Variants in CAMK2D observed in about 807,000 individuals in gnomAD.
CAMK2D encodes calcium/calmodulin dependent protein kinase II delta.
Under a neutral mutation model 84.0 loss-of-function variants are expected in CAMK2D, and 37 were observed. The observed-to-expected ratio is 0.44, with a 90% CI of 0.34 to 0.58. The LOEUF is 0.58. CAMK2D is among the 20% of genes least tolerant of loss of function. The pLI is 0.02. For missense variants in CAMK2D, 448 were observed against 652.5 expected (o/e 0.69, Z 3.41); for synonymous variants, 202 against 212.5 (o/e 0.95, Z 0.43).
chr4:113,663,653 A>G (rs74545147), intron 2 of CAMK2D, among the ~76,000 whole-genome samples: 218 of 150,250 alleles, frequency 1.5e-3, no homozygotes, highest in Non-Finnish European at 2.5e-3. Flanking sequence ...TTAAACAGAG[A>G]TTTGAATTTT....
At chr4:113,596,339 C>A (rs2098926437) in intron 4 of CAMK2D, among the ~76,000 whole-genome samples, 1 of 152,130 alleles carries the variant, frequency 6.6e-6, no homozygotes, top group South Asian at 2.1e-4. Flanking sequence ...CAACTTCTTC[C>A]AAACTCCTGT....
At position 113,567,009 on chromosome 4, in the gene CAMK2D, C is replaced by T. The variant is rs75713216; in HGVS notation, c.276-14913G>A. Reference sequence around the variant, plus strand: ...TGGCAGAGTATATGCATATAGCAGGCATGCAATAAACGTCTACTGACTGAA... The same window carrying T: ...TGGCAGAGTATATGCATATAGCAGGTATGCAATAAACGTCTACTGACTGAA... On this transcript the variant is annotated intron_variant, in intron 4 of 20. Coordinates refer to ENST00000511664, the MANE Select transcript of CAMK2D (RefSeq NM_001321571.2). Among the ~76,000 whole-genome samples the T allele has an allele frequency of 5.1e-3, 772 of 152,076 alleles. 10 individuals are homozygous for T. The highest frequency in any genetic ancestry group is 0.018 in the African/African-American group (743 of 41,458).
intron 2 of CAMK2D, among the ~76,000 whole-genome samples, chr4:113,687,260 C>A (rs533802336): frequency 6.6e-6 from 1 of 152,114 alleles, no homozygotes; most frequent in Non-Finnish European, 1.5e-5. Context: ...ATGTGGTAAC[C>A]TTTTTATATG....
intron 2 of CAMK2D, among the ~76,000 whole-genome samples, chr4:113,684,689 AAGCTTC>A (rs1561819972): frequency 6.6e-6 from 1 of 152,164 alleles, no homozygotes; most frequent in Non-Finnish European, 1.5e-5. Context: ...GTTACTGGAA[AAGCTTC>A]AGAAATATTT....
chr4:113,504,722 T>C (rs1194390932), intron 14 of CAMK2D, among the ~76,000 whole-genome samples: 1 of 150,714 alleles, frequency 6.6e-6, no homozygotes, highest in Non-Finnish European at 1.5e-5. Context: ...CAGCTATCAG[T>C]ACAATGTTCA....
intron 4 of CAMK2D, among the ~76,000 whole-genome samples, chr4:113,602,138 T>C (rs2154260863): frequency 6.6e-6 from 1 of 152,310 alleles, no homozygotes; most frequent in East Asian, 1.9e-4. Context: ...GACTTCTAAC[T>C]GGGCTAAGCT....
intron 6 of CAMK2D, among the ~76,000 whole-genome samples, chr4:113,542,750 C>T (rs2098539332): frequency 6.6e-6 from 1 of 151,968 alleles, no homozygotes; most frequent in Non-Finnish European, 1.5e-5. Flanking sequence ...TACTTCTCAT[C>T]TCCCCCCTTC....
intron 4 of CAMK2D, among the ~76,000 whole-genome samples, chr4:113,556,574 A>G (rs2098666113): frequency 6.6e-6 from 1 of 152,094 alleles, no homozygotes; most frequent in Admixed American, 6.6e-5. Flanking sequence ...ACGAGTGTGC[A>G]GATGTCCTGT....
chr4:113,452,889 A>C lies in CAMK2D; in HGVS notation c.*1656T>G, dbSNP rs1269770527. On this transcript the variant is annotated 3_prime_UTR_variant, in exon 21 of 21. Transcript: ENST00000511664. ...AAAAGCTTCAACCCATCTACCATAC[A>C]TCCACTAGCAATAATATCTAAGATG... 1 of 152,562 alleles carries C rather than the reference A, an allele frequency of 6.6e-6. No homozygotes were observed. Among genetic ancestry groups the C allele is most frequent in the Admixed American group, 6.6e-5 (1 of 15,260 alleles). The allele number at this position is 152,562 out of a possible 1,614,324, so 9.5% of individuals were successfully genotyped here. A position where few individuals can be genotyped will look rare whatever the true frequency, so the allele number is the denominator to read the frequency against.
intron 4 of CAMK2D, among the ~76,000 whole-genome samples, chr4:113,578,020 T>C (rs954189056): frequency 2.6e-5 from 4 of 152,190 alleles, no homozygotes; most frequent in Non-Finnish European, 5.9e-5. Context: ...AGGAAGATGG[T>C]TGCAGAATCT....
intron 15 of CAMK2D, among the ~76,000 whole-genome samples, chr4:113,501,557 T>C (rs1207032679): frequency 2.0e-5 from 3 of 152,050 alleles, no homozygotes; most frequent in Non-Finnish European, 2.9e-5. Context: ...TATATAAATA[T>C]CATATACAAT....
chr4:113,471,734 T>C (rs577443920), intron 16 of CAMK2D, among the ~76,000 whole-genome samples: 19 of 152,134 alleles, frequency 1.2e-4, no homozygotes, highest in Non-Finnish European at 2.2e-4. Flanking sequence ...CACACCGGCC[T>C]CTCTCACTCC....
intron 13 of CAMK2D, chr4:113,508,209 G>A (rs770346292): frequency 1.3e-6 from 2 of 1,508,374 alleles, no homozygotes; most frequent in Non-Finnish European, 1.8e-6. Context: ...TTTCACAGGA[G>A]GAGAAATCTG....
chr4:113,480,000 C>T (rs1015200480), intron 16 of CAMK2D, among the ~76,000 whole-genome samples: 2 of 152,116 alleles, frequency 1.3e-5, no homozygotes, highest in African/African-American at 2.4e-5. Flanking sequence ...CTAACTCTGT[C>T]GCCCAGGTTG....
intron 2 of CAMK2D, chr4:113,754,751 A>C (rs1019945395): frequency 3.1e-6 from 3 of 981,244 alleles, no homozygotes; most frequent in African/African-American, 1.8e-5. Flanking sequence ...CAATGAAAGA[A>C]GAAAATGAAT....
At chr4:113,492,600 G>A (rs2097859500) in intron 16 of CAMK2D, among the ~76,000 whole-genome samples, 1 of 151,616 alleles carries the variant, frequency 6.6e-6, no homozygotes, top group Non-Finnish European at 1.5e-5. Flanking sequence ...GTGTGGTGCT[G>A]AAAAAAATGT....
chr4:113,560,998 C>G (rs1349334614), intron 4 of CAMK2D, among the ~76,000 whole-genome samples: 1 of 152,030 alleles, frequency 6.6e-6, no homozygotes, highest in Non-Finnish European at 1.5e-5. Context: ...GAGGACCCTA[C>G]ATAAATGAGG....
chr4:113,550,822 A>C (rs1454917192), intron 5 of CAMK2D, among the ~76,000 whole-genome samples: 1 of 152,204 alleles, frequency 6.6e-6, no homozygotes, highest in South Asian at 2.1e-4. Flanking sequence ...AATTACACAG[A>C]ATTTTCTATT....
intron 15 of CAMK2D, among the ~76,000 whole-genome samples, chr4:113,501,318 A>C (rs2098041486): frequency 7.2e-6 from 1 of 139,070 alleles, no homozygotes; most frequent in Admixed American, 8.6e-5. Context: ...TGGTGTGATA[A>C]ATGTGCTCAT....
Sources: allele counts gnomAD v4.1 joint callset (sites outside exome capture counted in the v4.1 genomes callset), GRCh38; gene constraint gnomAD v4.1.1; transcripts MANE v1.5; gene names NCBI Gene and HGNC (gene_info 2026-07-23, HGNC 2026-07-21).